Variants in OR5AN1 observed in about 807,000 individuals in gnomAD.
The protein encoded by OR5AN1 is olfactory receptor 5AN1.
For synonymous variants in OR5AN1, 167 were observed against 131.8 expected, an observed-to-expected ratio of 1.27 and a Z score of -1.83; for missense variants, 476 against 368.9, an observed-to-expected ratio of 1.29 and a Z score of -2.38.
At position 59,365,907 on chromosome 11, in the gene OR5AN1, G is replaced by A. The variant is rs1427044728; in HGVS notation, c.*513G>A. The A allele has an allele frequency of 6.6e-6, 1 of 152,378 alleles. No homozygotes were observed. Among genetic ancestry groups the A allele is most frequent in the East Asian group, 1.9e-4 (1 of 5,196 alleles). 9.4% of individuals were successfully genotyped at this position (152,378 alleles called of 1,614,324 possible). ...GACAGAGGGGTTCTGCCATTGGAAA[G>A]GGAAAAAAAAGCAATATATTGGCCT... On this transcript the variant is annotated 3_prime_UTR_variant, in exon 2 of 2. Coordinates refer to ENST00000641998, the MANE Select transcript of OR5AN1 (RefSeq NM_001004729.2).
In OR5AN1 at chr11:59,365,534, A is replaced by G; in HGVS notation, c.*140A>G. On this transcript the variant is annotated 3_prime_UTR_variant, in exon 2 of 2. Coordinates refer to ENST00000641998, the MANE Select transcript of OR5AN1 (RefSeq NM_001004729.2). ...AAGAAGGCTTGATTTGATGCACAAA[A>G]TATGCCAATATGGACCAACAGATGA... The G allele has an allele frequency of 1.7e-6, 1 of 596,658 alleles. No homozygotes were observed. 37.0% of individuals were successfully genotyped at this position (596,658 alleles called of 1,614,324 possible). A position where few individuals can be genotyped will look rare whatever the true frequency, so the allele number is the denominator to read the frequency against.
Position 59,366,593 on chromosome 11 carries a change from C to T in OR5AN1, c.*1199C>T, listed in dbSNP as rs1452192534. On this transcript the variant is annotated 3_prime_UTR_variant, in exon 2 of 2. Transcript: ENST00000641998. ...GCGTAAAATTCAGGCTCTGCCACCC[C>T]CAAGGTGTGTGATGCTGGGCAAGCC... 5.9e-5 allele frequency: 9 copies of T among 152,184 alleles called. No homozygotes were observed. Among genetic ancestry groups the T allele is most frequent in the Admixed American group, 5.9e-4 (9 of 15,276 alleles). 9.4% of individuals were successfully genotyped at this position (152,184 alleles called of 1,614,324 possible).
chr11:59,365,218 A>T lies in OR5AN1; in HGVS notation c.760A>T (p.Thr254Ser). 6.2e-7 allele frequency: 1 copy of T among 1,614,034 alleles called. No individual in the cohort carries two copies. The highest frequency in any genetic ancestry group is 1.1e-5 in the South Asian group (1 of 91,062). ...TCTAACAGCTGTTTCCCTCTTCTAT[A>T]CATCAGGAATCTTTGTCTATTTGAG... ...SHLTAVSLFY[T>S]SGIFVYLSSS... The change falls in exon 2 of 2, where the codon ACA (threonine) becomes TCA (serine). Residue 254 changes from threonine to serine, a missense_variant. Transcript: ENST00000641998.
Position 59,365,224 on chromosome 11 carries a change from G to A in OR5AN1, c.766G>A (p.Gly256Arg), listed in dbSNP as rs200759945. ...AGCTGTTTCCCTCTTCTATACATCA[G>A]GAATCTTTGTCTATTTGAGTTCCAG... ...LTAVSLFYTS[G>R]IFVYLSSSSG... Residue 256 changes from glycine (G) to arginine (R), a missense_variant, in exon 2 of 2, where the codon GGA (glycine) becomes AGA (arginine). By Grantham distance (125) the Gly-to-Arg change is moderately radical. Coordinates refer to ENST00000641998, the MANE Select transcript of OR5AN1 (RefSeq NM_001004729.2). 6.2e-6 allele frequency: 10 copies of A among 1,614,026 alleles called. No homozygotes were observed. Among genetic ancestry groups the A allele is most frequent in the Admixed American group, 1.7e-5 (1 of 60,000 alleles).
rs557296844 is a variant in OR5AN1 at position 59,364,614 on chromosome 11, G to A, written c.156G>A (p.Met52Ile). 1.2e-6 allele frequency: 2 copies of A among 1,613,988 alleles called. No homozygotes were observed. Among genetic ancestry groups the A allele is most frequent in the African/African-American group, 1.3e-5 (1 of 74,998 alleles). Residue 52 changes from methionine (M) to isoleucine (I), a missense_variant, in exon 2 of 2, where the codon ATG (methionine) becomes ATA (isoleucine). By Grantham distance (10) the Met-to-Ile change is conservative (BLOSUM62 1). Coordinates refer to ENST00000641998, the MANE Select transcript of OR5AN1 (RefSeq NM_001004729.2). ...WNLSLIVLIR[M>I]DSHLHTPMYF... The stretch of plus-strand genomic sequence containing the variant: ...TCTCCCTCATTGTTTTAATAAGGAT[G>A]GATTCCCACCTCCATACACCCATGT...
chr11:59,369,876 T>C lies in OR5AN1; in HGVS notation c.*4482T>C, dbSNP rs528351499. The stretch of plus-strand genomic sequence containing the variant: ...GCAGCTATAAGGAAAGGGTGAGTCA[T>C]CTACAAAGGGATCCCCGTCAGGCTA... On this transcript the variant is annotated 3_prime_UTR_variant, in exon 2 of 2. Coordinates refer to ENST00000641998, the MANE Select transcript of OR5AN1 (RefSeq NM_001004729.2). 1 of 152,076 alleles carries C rather than the reference T, an allele frequency of 6.6e-6. No individual in the cohort carries two copies. Among genetic ancestry groups the C allele is most frequent in the East Asian group, 1.9e-4 (1 of 5,192 alleles). 9.4% of individuals were successfully genotyped at this position (152,076 alleles called of 1,614,324 possible).
At chr11:59,363,589 G>A (rs767753112) in intron 1 of OR5AN1, among the ~76,000 whole-genome samples, 18 of 152,080 alleles carry the variant, frequency 1.2e-4, no homozygotes, top group Non-Finnish European at 2.2e-4. Flanking sequence ...GGCCAGTTTG[G>A]ATATGTTATA....
rs1857561455 is a variant in OR5AN1, at chr11:59,368,625, A to G, written c.*3231A>G. ...CCCCTGGCTTGGGCCCACAACACAT[A>G]CCCTCTATCTTGGGCTGGCTGCACT... On this transcript the variant is annotated 3_prime_UTR_variant, in exon 2 of 2. Transcript: ENST00000641998. The G allele has an allele frequency of 6.6e-6, 1 of 152,166 alleles. No individual in the cohort carries two copies. The highest frequency in any genetic ancestry group is 1.5e-5 in the Non-Finnish European group (1 of 68,214). The allele number at this position is 152,166 out of a possible 1,614,324, so 9.4% of individuals were successfully genotyped here.
rs1483012281 is a variant in OR5AN1, at chr11:59,367,603, G to C, written c.*2209G>C. ...GTACCTCCCTAAGAAGGAGCTCAAA[G>C]GGAAGAGCTGGGCTGTCATCTTTGC... is the stretch of plus-strand genomic sequence containing the variant. On this transcript the variant is annotated 3_prime_UTR_variant, in exon 2 of 2. Transcript: ENST00000641998. The C allele has an allele frequency of 1.1e-4, 16 of 152,262 alleles. No individual in the cohort carries two copies. The highest frequency in any genetic ancestry group is 1.0e-3 in the Admixed American group (16 of 15,278). 9.4% of individuals were successfully genotyped at this position (152,262 alleles called of 1,614,324 possible).
chr11:59,369,435 T>C lies in OR5AN1; in HGVS notation c.*4041T>C, dbSNP rs1441320118. 6.6e-6 allele frequency: 1 copy of C among 152,194 alleles called. No individual in the cohort carries two copies. Among genetic ancestry groups the C allele is most frequent in the African/African-American group, 2.4e-5 (1 of 41,448 alleles). 9.4% of individuals were successfully genotyped at this position (152,194 alleles called of 1,614,324 possible). On this transcript the variant is annotated 3_prime_UTR_variant, in exon 2 of 2. Coordinates refer to ENST00000641998, the MANE Select transcript of OR5AN1 (RefSeq NM_001004729.2). The stretch of plus-strand genomic sequence containing the variant: ...AGTATAAAAAAGCACTTAGTGGGTC[T>C]GACAGAGCTGAATAGCGCAATACAA...
chr11:59,367,467 G>C lies in OR5AN1; in HGVS notation c.*2073G>C, dbSNP rs1395263197. On this transcript the variant is annotated 3_prime_UTR_variant, in exon 2 of 2. Coordinates refer to ENST00000641998, the MANE Select transcript of OR5AN1 (RefSeq NM_001004729.2). ...CTCCTGTATATAACCCTAGGAAAGA[G>C]GCTGAATCCAGGGGTGTTAACAGCA... is the stretch of plus-strand genomic sequence containing the variant. 2.0e-5 allele frequency: 3 copies of C among 152,168 alleles called. No individual in the cohort carries two copies. Among genetic ancestry groups the C allele is most frequent in the Admixed American group, 2.0e-4 (3 of 15,260 alleles). 9.4% of individuals were successfully genotyped at this position (152,168 alleles called of 1,614,324 possible).
chr11:59,371,167 G>A lies in OR5AN1; in HGVS notation c.*5773G>A, dbSNP rs1237786550. ...CCACTAAAGATAGCCTTCCAGGTCA[G>A]CACATAAAGATAAACATTTTTAATG... On this transcript the variant is annotated 3_prime_UTR_variant, in exon 2 of 2. Coordinates refer to ENST00000641998, the MANE Select transcript of OR5AN1 (RefSeq NM_001004729.2). 4 of 151,938 alleles carry A rather than the reference G, an allele frequency of 2.6e-5. No individual in the cohort carries two copies. The highest frequency in any genetic ancestry group is 5.9e-5 in the Non-Finnish European group (4 of 68,002). 9.4% of individuals were successfully genotyped at this position (151,938 alleles called of 1,614,324 possible).
intron 1 of OR5AN1, among the ~76,000 whole-genome samples, chr11:59,361,711 C>T (rs190415670): frequency 6.6e-6 from 1 of 152,262 alleles, no homozygotes; most frequent in East Asian, 1.9e-4. Flanking sequence ...TGCTAAACAT[C>T]GCACAGCCTG....
chr11:59,365,432 T>C lies in OR5AN1; in HGVS notation c.*38T>C. 1 of 1,265,998 alleles carries C rather than the reference T, an allele frequency of 7.9e-7. No individual in the cohort carries two copies. 78.4% of individuals were successfully genotyped at this position (1,265,998 alleles called of 1,614,324 possible). A position where few individuals can be genotyped will look rare whatever the true frequency, so the allele number is the denominator to read the frequency against. On this transcript the variant is annotated 3_prime_UTR_variant, in exon 2 of 2. Coordinates refer to ENST00000641998, the MANE Select transcript of OR5AN1 (RefSeq NM_001004729.2). ...TGAGATTTCTGCCAGATATGGCCCA[T>C]CAGAATCTCCCTAACCCACAAAATA... is the stretch of plus-strand genomic sequence containing the variant.
rs924383518 is a variant in OR5AN1, at chr11:59,368,332, C to T, written c.*2938C>T. ...TCTTCTCACCAGGAAGATCTTCAGGCCTGGGCTTCCAGCCACCACCAGCCA... is the reference window on the plus strand; with the variant it reads ...TCTTCTCACCAGGAAGATCTTCAGGTCTGGGCTTCCAGCCACCACCAGCCA... On this transcript the variant is annotated 3_prime_UTR_variant, in exon 2 of 2. Coordinates refer to ENST00000641998, the MANE Select transcript of OR5AN1 (RefSeq NM_001004729.2). 1 of 152,442 alleles carries T rather than the reference C, an allele frequency of 6.6e-6. No homozygotes were observed. The highest frequency in any genetic ancestry group is 2.4e-5 in the African/African-American group (1 of 41,464). 9.4% of individuals were successfully genotyped at this position (152,442 alleles called of 1,614,324 possible). A position where few individuals can be genotyped will look rare whatever the true frequency, so the allele number is the denominator to read the frequency against.
intron 1 of OR5AN1, among the ~76,000 whole-genome samples, chr11:59,363,042 G>A (rs1285373184): frequency 6.6e-6 from 1 of 152,132 alleles, no homozygotes; most frequent in Non-Finnish European, 1.5e-5. Context: ...AATGAGGCCT[G>A]GCTGTCTATA....
intron 1 of OR5AN1, among the ~76,000 whole-genome samples, chr11:59,360,302 G>A (rs1360523724): frequency 6.6e-6 from 1 of 152,146 alleles, no homozygotes; most frequent in Non-Finnish European, 1.5e-5. Context: ...ATTCATGTTT[G>A]GGGGATGTTA....
Position 59,359,033 on chromosome 11 carries a change from G to C in OR5AN1, c.-253G>C, listed in dbSNP as rs1324513063. 6.6e-6 allele frequency: 1 copy of C among 152,160 alleles called. No individual in the cohort carries two copies. Among genetic ancestry groups the C allele is most frequent in the Admixed American group, 6.5e-5 (1 of 15,286 alleles). 9.4% of individuals were successfully genotyped at this position (152,160 alleles called of 1,614,324 possible). On this transcript the variant is annotated 5_prime_UTR_variant, in exon 1 of 2. Coordinates refer to ENST00000641998, the MANE Select transcript of OR5AN1 (RefSeq NM_001004729.2). Reference sequence around the variant, plus strand: ...TGGCAAGAACCCTGTCTTCTTGGAGGACCTGGGTAAAGGTCACAGGACAAG... The same window carrying C: ...TGGCAAGAACCCTGTCTTCTTGGAGCACCTGGGTAAAGGTCACAGGACAAG...
intron 1 of OR5AN1, among the ~76,000 whole-genome samples, chr11:59,364,233 C>G (rs1255804948): frequency 6.6e-6 from 1 of 152,094 alleles, no homozygotes; most frequent in East Asian, 1.9e-4. Flanking sequence ...ATTTTTAATT[C>G]TCATGATACT....
Sources: gnomAD v4.1 joint callset for allele counts (sites outside exome capture counted in the v4.1 genomes callset) on GRCh38, gnomAD v4.1.1 for gene constraint, MANE v1.5 for transcripts, NCBI Gene and HGNC (gene_info 2026-07-23, HGNC 2026-07-21) for gene names.